The following GLIS3 variants were observed in gnomAD, a reference collection of about 807,000 sequenced individuals.
GLIS3 encodes zinc finger protein GLIS3.
GLIS3 carries 53 observed loss-of-function variants against 78.6 expected under a neutral mutation model. The ratio of observed to expected loss-of-function variants is 0.67; its 90% CI spans 0.54 to 0.85. The LOEUF (loss-of-function observed/expected upper bound fraction) is 0.85, where lower values mean the gene tolerates loss of function less well. GLIS3 is among the 40% of genes least tolerant of loss of function. The pLI is 0.00. For synonymous variants in GLIS3, 684 were observed against 509.9 expected (o/e 1.34, Z -4.60); for missense variants, 1,703 against 1,231.1 (o/e 1.38, Z -5.74).
chr9:4,277,069 G>C (rs561301734), intron 2 of GLIS3, among the ~76,000 whole-genome samples: 6 of 152,136 alleles, frequency 3.9e-5, no homozygotes, highest in Admixed American at 2.6e-4. Flanking sequence ...ACCTTCTTTA[G>C]GTAATATATT....
At chr9:4,154,600 G>C (rs1394901464) in intron 2 of GLIS3, among the ~76,000 whole-genome samples, 4 of 112,408 alleles carry the variant, frequency 3.6e-5, no homozygotes, top group African/African-American at 1.2e-4. Context: ...AACAGTCCTT[G>C]CGAATCAATG....
the GLIS3 span, among the ~76,000 whole-genome samples, chr9:4,406,383 C>A: frequency 6.6e-6 from 1 of 152,130 alleles, no homozygotes; most frequent in Non-Finnish European, 1.5e-5. Flanking sequence ...TGCAATTGTG[C>A]GATCTTGGCT....
At chr9:3,833,910 T>C (rs534959572) in intron 9 of GLIS3, among the ~76,000 whole-genome samples, 2 of 152,238 alleles carry the variant, frequency 1.3e-5, no homozygotes, top group East Asian at 3.9e-4. Flanking sequence ...AAGTTTTTTT[T>C]CCCCCTCCTA....
chr9:4,054,069 G>C (rs1445407814), intron 4 of GLIS3, among the ~76,000 whole-genome samples: 3 of 152,222 alleles, frequency 2.0e-5, no homozygotes, highest in African/African-American at 7.2e-5. Context: ...AAATGTATGA[G>C]TTAAGCACAA....
chr9:4,382,998 G>A, the GLIS3 span, among the ~76,000 whole-genome samples: 2 of 152,120 alleles, frequency 1.3e-5, no homozygotes, highest in African/African-American at 4.8e-5. Context: ...CTTCCCATCT[G>A]TCTATTTTCC....
At chr9:4,094,778 G>C (rs1829808132) in intron 4 of GLIS3, among the ~76,000 whole-genome samples, 1 of 152,118 alleles carries the variant, frequency 6.6e-6, no homozygotes. Flanking sequence ...AGATCCGATG[G>C]CTTATTTTAA....
At chr9:3,858,074 C>G (rs1022101402) in intron 8 of GLIS3, among the ~76,000 whole-genome samples, 10 of 152,186 alleles carry the variant, frequency 6.6e-5, no homozygotes, top group Non-Finnish European at 2.9e-5. Context: ...ATTTAACAGT[C>G]ATTGCTGGTG....
At chr9:4,399,971 G>A in the GLIS3 span, among the ~76,000 whole-genome samples, 1 of 152,184 alleles carries the variant, frequency 6.6e-6, no homozygotes, top group Non-Finnish European at 1.5e-5. Flanking sequence ...AATAGGAGGT[G>A]GGAGTGGGAG....
chr9:4,250,717 T>C (rs561327971), intron 2 of GLIS3, among the ~76,000 whole-genome samples: 5 of 152,366 alleles, frequency 3.3e-5, no homozygotes, highest in African/African-American at 1.2e-4. Flanking sequence ...GTGTCAATTT[T>C]AAATCTTTCC....
intron 2 of GLIS3, among the ~76,000 whole-genome samples, chr9:4,158,008 C>G (rs989161048): frequency 6.6e-6 from 1 of 152,162 alleles, no homozygotes; most frequent in African/African-American, 2.4e-5. Flanking sequence ...TCAGGACCGA[C>G]AAAACTCTGA....
chr9:4,356,048 A>G, the GLIS3 span, among the ~76,000 whole-genome samples: 74,884 of 152,108 alleles, frequency 0.49, 19,228 homozygotes, highest in Non-Finnish European at 0.56. Flanking sequence ...TATATTTTCC[A>G]GCCCCAGCTC....
intron 9 of GLIS3, among the ~76,000 whole-genome samples, chr9:3,838,568 A>G (rs1378327): frequency 0.79 from 120,707 of 152,032 alleles, 48,139 homozygotes; most frequent in African/African-American, 0.87. Flanking sequence ...AATCCCTGCT[A>G]AAAATACGCT....
At chr9:4,448,670 A>G in the GLIS3 span, among the ~76,000 whole-genome samples, 1 of 152,240 alleles carries the variant, frequency 6.6e-6, no homozygotes, top group Non-Finnish European at 1.5e-5. Flanking sequence ...AGTCAAAGCA[A>G]CTTATATCAC....
At chr9:4,060,919 T>G (rs1826591405) in intron 4 of GLIS3, among the ~76,000 whole-genome samples, 1 of 152,156 alleles carries the variant, frequency 6.6e-6, no homozygotes, top group Non-Finnish European at 1.5e-5. Context: ...GTGCCACCAC[T>G]CCCACTTTGC....
At chr9:4,483,873 T>A in the GLIS3 span, among the ~76,000 whole-genome samples, 1 of 152,174 alleles carries the variant, frequency 6.6e-6, no homozygotes, top group Non-Finnish European at 1.5e-5. Context: ...AGCTGTAAGA[T>A]AATGATGATA....
chr9:4,389,993 T>C, the GLIS3 span, among the ~76,000 whole-genome samples: 1 of 152,240 alleles, frequency 6.6e-6, no homozygotes, highest in Non-Finnish European at 1.5e-5. Flanking sequence ...TCACTCATTC[T>C]TTCTTTCATT....
chr9:3,861,197 G>C (rs1185838250), intron 8 of GLIS3, among the ~76,000 whole-genome samples: 5 of 152,172 alleles, frequency 3.3e-5, no homozygotes. Context: ...TCCCAGCAAT[G>C]TATTAGAACG....
intron 4 of GLIS3, among the ~76,000 whole-genome samples, chr9:3,970,009 T>C (rs1818264285): frequency 6.6e-6 from 1 of 152,252 alleles, no homozygotes; most frequent in Admixed American, 6.5e-5. Context: ...AGTCATTTCA[T>C]GTTCCAAGTG....
At chr9:4,432,422 A>G in the GLIS3 span, among the ~76,000 whole-genome samples, 7 of 152,144 alleles carry the variant, frequency 4.6e-5, no homozygotes, top group African/African-American at 2.4e-5. Context: ...GAGTAAGCGC[A>G]TGTAGTTCAG....
Sources: allele counts gnomAD v4.1 joint callset (sites outside exome capture counted in the v4.1 genomes callset), GRCh38; gene constraint gnomAD v4.1.1; transcripts MANE v1.5; gene names NCBI Gene and HGNC (gene_info 2026-07-23, HGNC 2026-07-21).